Variants in NAV2 observed in about 807,000 individuals in gnomAD.
NAV2 encodes helicase, APC down-regulated 1.
NAV2 carries 54 observed loss-of-function variants against 223.2 expected under a neutral mutation model. The observed-to-expected ratio is 0.24, with a 90% CI of 0.19 to 0.30. The LOEUF is 0.30. Ranked by LOEUF, NAV2 falls within the 10% of genes least tolerant of loss-of-function variation. NAV2 has a pLI of 1.00. For synonymous variants in NAV2, 1,279 were observed against 1,239.3 expected, an observed-to-expected ratio of 1.03 and a Z score of -0.67; for missense variants, 2,806 against 3,147.5, an observed-to-expected ratio of 0.89 and a Z score of 2.60.
chr11:19,735,444 A>C, intron 1 of NAV2, among the ~76,000 whole-genome samples: 1 of 152,224 alleles, frequency 6.6e-6, no homozygotes, highest in East Asian at 1.9e-4. Flanking sequence ...AGTAGTTCCA[A>C]CTGATACTTA....
At chr11:19,701,543 A>G (rs1469660095) in intron 1 of NAV2, among the ~76,000 whole-genome samples, 1 of 152,228 alleles carries the variant, frequency 6.6e-6, no homozygotes, top group Admixed American at 6.5e-5. Flanking sequence ...GATGCTTAGT[A>G]GTTTTCACTG....
In NAV2 at chr11:19,931,595, T is replaced by TA. The variant is rs398055055; in HGVS notation, c.932-1567dup. 3.3e-3 allele frequency among the ~76,000 whole-genome samples: 124 copies of TA among 37,980 alleles called. 1 individual carries two copies. In the South Asian group the frequency reaches 0.072, roughly 22 times the overall value. The allele number at this position is 37,980 out of a possible 152,430, so 24.9% of individuals were successfully genotyped here. ...TAGAAGGCAGTGGAACATAGGTATT[T>TA]AAAAAAAAAAAAAAGCAGAAGAAGC... On this transcript the variant is annotated intron_variant, in intron 6 of 37. Transcript: ENST00000349880.
At chr11:19,717,935 A>G (rs1008595625) in intron 1 of NAV2, among the ~76,000 whole-genome samples, 2 of 152,160 alleles carry the variant, frequency 1.3e-5, no homozygotes, top group Non-Finnish European at 2.9e-5. Flanking sequence ...TCAAGTGTGA[A>G]AAGACCTAAC....
intron 1 of NAV2, among the ~76,000 whole-genome samples, chr11:19,677,743 C>G (rs1477528067): frequency 6.6e-6 from 1 of 152,258 alleles, no homozygotes; most frequent in Admixed American, 6.5e-5. Flanking sequence ...CAGGCCAAAT[C>G]AGCTGGCCAC....
chr11:19,785,871 G>A (rs1399225439), intron 1 of NAV2, among the ~76,000 whole-genome samples: 1 of 152,000 alleles, frequency 6.6e-6, no homozygotes, highest in Non-Finnish European at 1.5e-5. Context: ...ACAACTTGGG[G>A]ACAAAAAGGT....
rs2044008194 is a variant in NAV2 at position 19,918,631 on chromosome 11, G to T, written c.932-14545G>T. Reference sequence around the variant, plus strand: ...AATTCCTGGTTATGATTAGTATCATGAATGTATTTGGCTGACCAGATTTTG... The same window carrying T: ...AATTCCTGGTTATGATTAGTATCATTAATGTATTTGGCTGACCAGATTTTG... On this transcript the variant is annotated intron_variant, in intron 6 of 37. Transcript: ENST00000349880. 2.6e-5 allele frequency among the ~76,000 whole-genome samples: 4 copies of T among 152,216 alleles called. No homozygotes were observed. The South Asian group carries it at 6.2e-4, about 24-fold the overall frequency.
intron 1 of NAV2, among the ~76,000 whole-genome samples, chr11:19,459,921 G>A (rs1183650863): frequency 6.6e-6 from 1 of 152,188 alleles, no homozygotes; most frequent in South Asian, 2.1e-4. Flanking sequence ...TGCAAGTGGG[G>A]AGAAGATGCC....
At position 19,660,892 on chromosome 11, in the gene NAV2, T is replaced by C. The variant is rs74689195; in HGVS notation, c.76-171592T>C. On this transcript the variant is annotated intron_variant, in intron 1 of 37. Transcript: ENST00000360655. ...AAATGCTCTAAAAATTGAGGGAAAGTGGGGCTTTTGTTTGGTGTCACTCTT... is the reference window on the plus strand; with the variant it reads ...AAATGCTCTAAAAATTGAGGGAAAGCGGGGCTTTTGTTTGGTGTCACTCTT... Among the ~76,000 whole-genome samples the C allele has an allele frequency of 7.7e-3, 1,178 of 152,222 alleles. 27 individuals are homozygous for C. Among genetic ancestry groups the C allele is most frequent in the East Asian group, 0.064 (330 of 5,174 alleles).
At chr11:19,429,875 C>G (rs539843988) in intron 1 of NAV2, among the ~76,000 whole-genome samples, 6 of 152,210 alleles carry the variant, frequency 3.9e-5, no homozygotes, top group Non-Finnish European at 7.3e-5. Context: ...CCACCAGGGC[C>G]TCCAAACTCA....
At chr11:19,718,196 T>C (rs1477123732) in intron 1 of NAV2, among the ~76,000 whole-genome samples, 3 of 152,314 alleles carry the variant, frequency 2.0e-5, no homozygotes, top group African/African-American at 7.2e-5. Context: ...GTGAATAAAT[T>C]AGGACCATGT....
At chr11:19,486,534 A>G (rs1190802294) in intron 1 of NAV2, among the ~76,000 whole-genome samples, 1 of 152,044 alleles carries the variant, frequency 6.6e-6, no homozygotes, top group Admixed American at 6.5e-5. Flanking sequence ...ACGAGAACTG[A>G]TGGTTTTATA....
intron 1 of NAV2, among the ~76,000 whole-genome samples, chr11:19,358,732 T>C (rs1458544741): frequency 6.6e-6 from 1 of 152,202 alleles, no homozygotes; most frequent in Non-Finnish European, 1.5e-5. Context: ...GTAAGGTTCC[T>C]TCAGACCCCC....
intron 1 of NAV2, among the ~76,000 whole-genome samples, chr11:19,488,209 G>A (rs1341679087): frequency 6.6e-6 from 1 of 152,168 alleles, no homozygotes; most frequent in Non-Finnish European, 1.5e-5. Flanking sequence ...TGGGACCACT[G>A]CCCTCCTCCA....
chr11:20,100,427 T>C (rs1013584948), intron 31 of NAV2, among the ~76,000 whole-genome samples: 1 of 152,142 alleles, frequency 6.6e-6, no homozygotes, highest in African/African-American at 2.4e-5. Flanking sequence ...CATCTTAGTG[T>C]GGATAGCAGT....
intron 1 of NAV2, among the ~76,000 whole-genome samples, chr11:19,499,218 G>A (rs116593724): frequency 1.3e-3 from 199 of 152,326 alleles, no homozygotes; most frequent in African/African-American, 4.0e-3. Context: ...AATTAATGAC[G>A]TGGAACCTCT....
At chr11:19,947,390 G>A (rs746394366) in intron 9 of NAV2, among the ~76,000 whole-genome samples, 2 of 152,210 alleles carry the variant, frequency 1.3e-5, no homozygotes, top group East Asian at 1.9e-4. Flanking sequence ...GAGTAAACTC[G>A]GGGGTTTGGG....
At chr11:19,938,936 G>A (rs1591332901) in intron 7 of NAV2, among the ~76,000 whole-genome samples, 1 of 152,360 alleles carries the variant, frequency 6.6e-6, no homozygotes, top group South Asian at 2.1e-4. Context: ...AATGTTACAT[G>A]CAGGGTCATG....
chr11:19,472,859 C>G (rs1377462814), intron 1 of NAV2, among the ~76,000 whole-genome samples: 1 of 152,190 alleles, frequency 6.6e-6, no homozygotes, highest in Non-Finnish European at 1.5e-5. Flanking sequence ...TGTCTACTCA[C>G]AAATAGGATT....
chr11:20,115,973 C>A (rs543378757), intron 37 of NAV2, among the ~76,000 whole-genome samples: 1 of 152,260 alleles, frequency 6.6e-6, no homozygotes, highest in East Asian at 1.9e-4. Context: ...TTGTAGTACT[C>A]TACCAATATA....
Sources: gnomAD v4.1 joint callset for allele counts (sites outside exome capture counted in the v4.1 genomes callset) on GRCh38, gnomAD v4.1.1 for gene constraint, MANE v1.5 for transcripts, NCBI Gene and HGNC (gene_info 2026-07-23, HGNC 2026-07-21) for gene names.